Variants in TTBK2 observed in about 807,000 individuals in gnomAD.
TTBK2 encodes tau-tubulin kinase 2.
In TTBK2, 28 loss-of-function variants were observed where a neutral mutation model predicts 110.8. The observed-to-expected ratio is 0.25, with a 90% CI of 0.19 to 0.35. The LOEUF (loss-of-function observed/expected upper bound fraction) is 0.35. Among genes scored for constraint, TTBK2 ranks in the 10% least tolerant of loss-of-function variants. TTBK2 has a pLI of 1.00. For missense variants in TTBK2, 1,369 were observed against 1,500.3 expected (o/e 0.91, Z 1.45); for synonymous variants, 532 against 527.3 (o/e 1.01, Z -0.12).
At chr15:42,835,405 C>T (rs958560036) in intron 4 of TTBK2, among the ~76,000 whole-genome samples, 8 of 152,020 alleles carry the variant, frequency 5.3e-5, no homozygotes, top group Non-Finnish European at 1.2e-4. Flanking sequence ...ATACAGGGGA[C>T]AGAAATACAT....
At chr15:42,810,990 T>C (rs1891696240) in intron 8 of TTBK2, among the ~76,000 whole-genome samples, 1 of 152,116 alleles carries the variant, frequency 6.6e-6, no homozygotes, top group Non-Finnish European at 1.5e-5. Context: ...GAAAAAATAA[T>C]TTATTTATTT....
Position 42,763,143 on chromosome 15 carries a change from C to CAT in TTBK2, c.1999-9898_1999-9897dup, listed in dbSNP as rs1225785018. 2.5e-3 allele frequency among the ~76,000 whole-genome samples: 127 copies of CAT among 51,152 alleles called. 1 individual carries two copies. Among genetic ancestry groups the CAT allele is most frequent in the South Asian group, 4.8e-3 (6 of 1,248 alleles). 33.6% of individuals were successfully genotyped at this position (51,152 alleles called of 152,430 possible). ...ACACATATATATACATATATACATA[C>CAT]ATATATATATATACATATATATATA... On this transcript the variant is annotated intron_variant, in intron 13 of 14. Transcript: ENST00000267890.
At chr15:42,812,592 A>G (rs1891769763) in intron 7 of TTBK2, among the ~76,000 whole-genome samples, 1 of 152,194 alleles carries the variant, frequency 6.6e-6, no homozygotes, top group South Asian at 2.1e-4. Context: ...CACCAAACAT[A>G]TGTTCATTAT....
chr15:42,763,082 TTTTATATA>T (rs1567008328), intron 13 of TTBK2, among the ~76,000 whole-genome samples: 1 of 110,498 alleles, frequency 9.0e-6, no homozygotes, highest in African/African-American at 5.1e-5. Context: ...CAGTTAACAA[TTTTATATA>T]TATATATATA....
chr15:42,872,829 T>G, intron 2 of TTBK2, 71 bp from the exon 3 acceptor site: 1 of 1,537,228 alleles, frequency 6.5e-7, no homozygotes, highest in Non-Finnish European at 8.8e-7. Flanking sequence ...ATTGATCTCT[T>G]ATATTTAGAA....
At chr15:42,800,865 G>C in intron 9 of TTBK2, 1 of 606,030 alleles carries the variant, frequency 1.7e-6, no homozygotes, top group East Asian at 2.8e-5. Context: ...GGCTAGGGCT[G>C]AGCCTCGGGT....
chr15:42,758,157 C>T (rs2061972481), intron 13 of TTBK2, among the ~76,000 whole-genome samples: 1 of 152,088 alleles, frequency 6.6e-6, no homozygotes, highest in African/African-American at 2.4e-5. Context: ...GCCTTTCTTC[C>T]AAATGAAAAG....
intron 3 of TTBK2, among the ~76,000 whole-genome samples, chr15:42,846,647 T>C (rs2141032916): frequency 6.6e-6 from 1 of 152,350 alleles, no homozygotes; most frequent in African/African-American, 2.4e-5. Context: ...TTCTGAGTGA[T>C]AGAAATGTCT....
chr15:42,900,250 C>G (rs931294658), intron 1 of TTBK2, among the ~76,000 whole-genome samples: 1 of 151,944 alleles, frequency 6.6e-6, no homozygotes, highest in Non-Finnish European at 1.5e-5. Context: ...CCTCAGCCTC[C>G]CAAAGTGCTG....
At chr15:42,912,383 G>GTT (rs2030812819) in intron 1 of TTBK2, among the ~76,000 whole-genome samples, 1 of 152,202 alleles carries the variant, frequency 6.6e-6, no homozygotes, top group African/African-American at 2.4e-5. Flanking sequence ...CCAAATAGCA[G>GTT]TTTTATAACT....
chr15:42,858,553 TCATTTCCA>T (rs1326173398), intron 3 of TTBK2, among the ~76,000 whole-genome samples: 4 of 152,208 alleles, frequency 2.6e-5, no homozygotes, highest in African/African-American at 9.6e-5. Flanking sequence ...GTAAGGGACT[TCATTTCCA>T]GTTCCACAAG....
chr15:42,766,446 CAAAAAA>C (rs567972612), intron 13 of TTBK2, among the ~76,000 whole-genome samples: 3 of 30,860 alleles, frequency 9.7e-5, no homozygotes, highest in Admixed American at 3.0e-4. Flanking sequence ...GAATGGAAAG[CAAAAAA>C]AAAAAAAAAA....
chr15:42,879,522 C>A (rs1894951919), intron 1 of TTBK2, among the ~76,000 whole-genome samples: 1 of 152,040 alleles, frequency 6.6e-6, no homozygotes, highest in Non-Finnish European at 1.5e-5. Context: ...ATATTTCGGT[C>A]CCTAGGCCAC....
intron 13 of TTBK2, among the ~76,000 whole-genome samples, chr15:42,754,609 T>C (rs905517295): frequency 1.4e-5 from 2 of 144,524 alleles, no homozygotes; most frequent in Non-Finnish European, 3.0e-5. Context: ...GTTGGTCAGG[T>C]TGGTCTTGAA....
intron 13 of TTBK2, among the ~76,000 whole-genome samples, chr15:42,754,868 C>T (rs561955338): frequency 6.6e-6 from 1 of 150,564 alleles, no homozygotes; most frequent in South Asian, 2.1e-4. Context: ...ATAAACTGGG[C>T]GTGGTGGCAC....
intron 13 of TTBK2, among the ~76,000 whole-genome samples, chr15:42,773,659 A>G (rs759725087): frequency 6.6e-6 from 1 of 152,172 alleles, no homozygotes; most frequent in East Asian, 1.9e-4. Flanking sequence ...GAAAGCCTCC[A>G]TGAAGGGAGG....
chr15:42,752,982 C>T lies in TTBK2; in HGVS notation c.2264G>A (p.Gly755Glu), dbSNP rs2061890365. ...IRESNKSQDL[G>E]PKELPDHNRL... ...ATTATGATCAGGAAGTTCTTTTGGT[C>T]CCAGGTCTTGAGATTTGTTACTTTC... The change falls in exon 14 of 15, where the codon GGA becomes GAA. Residue 755 changes from glycine (G) to glutamate (E), a missense_variant. Gly to Glu is a moderately conservative substitution (Grantham distance 98). Coordinates refer to ENST00000267890, the MANE Select transcript of TTBK2 (RefSeq NM_173500.4). 11 of 1,614,184 alleles carry T rather than the reference C, an allele frequency of 6.8e-6. No individual in the cohort carries two copies. Among genetic ancestry groups the T allele is most frequent in the Non-Finnish European group, 9.3e-6 (11 of 1,180,034 alleles).
chr15:42,783,336 A>T, intron 11 of TTBK2, 83 bp downstream of exon 11: 1 of 1,398,540 alleles, frequency 7.2e-7, no homozygotes, highest in Non-Finnish European at 1.0e-6. Flanking sequence ...CCAGATACCA[A>T]ATCTGCCTAG....
At chr15:42,863,527 A>T (rs1429814174) in intron 3 of TTBK2, among the ~76,000 whole-genome samples, 1 of 152,080 alleles carries the variant, frequency 6.6e-6, no homozygotes, top group Non-Finnish European at 1.5e-5. Context: ...ATTCAACACT[A>T]CTCCTATCAA....
Sources: gnomAD v4.1 joint callset for allele counts (sites outside exome capture counted in the v4.1 genomes callset) on GRCh38, gnomAD v4.1.1 for gene constraint, MANE v1.5 for transcripts, NCBI Gene and HGNC (gene_info 2026-07-23, HGNC 2026-07-21) for gene names.